Variants in STEAP1B observed in about 807,000 individuals in gnomAD.
The protein encoded by STEAP1B is STEAP family member 1B, also known as STEAP family protein MGC87042.
Under a neutral mutation model 27.9 loss-of-function variants are expected in STEAP1B, and 13 were observed. The ratio of observed to expected loss-of-function variants is 0.47; its 90% CI spans 0.30 to 0.74. The LOEUF is 0.74. Ranked by LOEUF, STEAP1B falls within the 30% of genes least tolerant of loss-of-function variation. STEAP1B has a pLI of 0.06. For synonymous variants in STEAP1B, 86 were observed against 107.1 expected (o/e 0.80, Z 1.22); for missense variants, 250 against 298.7 (o/e 0.84, Z 1.20).
intron 4 of STEAP1B, among the ~76,000 whole-genome samples, chr7:22,461,482 T>C (rs1211380200): frequency 6.6e-6 from 1 of 152,110 alleles, no homozygotes; most frequent in African/African-American, 2.4e-5. Context: ...AGGCTGGTCT[T>C]GAACTCCTGA....
intron 4 of STEAP1B, among the ~76,000 whole-genome samples, chr7:22,489,942 TG>T (rs142039419): frequency 0.033 from 4,984 of 152,302 alleles, 136 homozygotes; most frequent in African/African-American, 0.076. Flanking sequence ...TGAATAAAAG[TG>T]CTGAATTATT....
chr7:22,500,040 G>A (rs895801525), intron 1 of STEAP1B, 74 bp downstream of exon 1: 3 of 152,618 alleles, frequency 2.0e-5, no homozygotes, highest in Non-Finnish European at 4.4e-5. Flanking sequence ...CTGGGAGCGG[G>A]CGCCCAGCCT....
At chr7:22,433,002 T>C (rs1042119594) in intron 4 of STEAP1B, among the ~76,000 whole-genome samples, 2 of 152,180 alleles carry the variant, frequency 1.3e-5, no homozygotes, top group African/African-American at 4.8e-5. Flanking sequence ...CTGCCGTTCC[T>C]GCCAGCAAAT....
chr7:22,478,950 T>C (rs1044165145), intron 4 of STEAP1B, among the ~76,000 whole-genome samples: 2 of 152,092 alleles, frequency 1.3e-5, no homozygotes, highest in Non-Finnish European at 2.9e-5. Flanking sequence ...GTGGAGGTGC[T>C]CCTGCAGCCC....
At chr7:22,491,282 A>C (rs1786316915) in intron 4 of STEAP1B, among the ~76,000 whole-genome samples, 1 of 152,222 alleles carries the variant, frequency 6.6e-6, no homozygotes, top group Non-Finnish European at 1.5e-5. Context: ...ATATATAATA[A>C]ATGTTTATTA....
chr7:22,423,014 T>A (rs957030010), intron 4 of STEAP1B, among the ~76,000 whole-genome samples: 3 of 152,088 alleles, frequency 2.0e-5, no homozygotes, highest in African/African-American at 7.2e-5. Context: ...TAAAAAGACA[T>A]CACAAACAAA....
chr7:22,456,972 A>ATATATTTTTTTTTT, intron 4 of STEAP1B, among the ~76,000 whole-genome samples: 1 of 57,046 alleles, frequency 1.8e-5, no homozygotes, highest in African/African-American at 7.0e-5. Context: ...ATATATATAT[A>ATATATTTTTTTTTT]TTTTTTTTTT....
At chr7:22,433,299 A>G (rs899781293) in intron 4 of STEAP1B, among the ~76,000 whole-genome samples, 2 of 147,172 alleles carry the variant, frequency 1.4e-5, no homozygotes, top group Admixed American at 6.8e-5. Context: ...CACCCCCTCC[A>G]CATAATGACT....
At chr7:22,460,769 G>A (rs57241649) in intron 4 of STEAP1B, among the ~76,000 whole-genome samples, 1,827 of 152,256 alleles carry the variant, frequency 0.012, 44 homozygotes, top group African/African-American at 0.042. Flanking sequence ...GAACCACCCC[G>A]GAGGCAGCAG....
At chr7:22,495,550 C>G (rs1786424491) in intron 1 of STEAP1B, 1 of 152,156 alleles carries the variant, frequency 6.6e-6, no homozygotes, top group Non-Finnish European at 1.5e-5. Flanking sequence ...CTCACAGATC[C>G]TCATCCAGGA....
At chr7:22,438,468 G>A (rs1335187224) in intron 4 of STEAP1B, 1 of 1,542,218 alleles carries the variant, frequency 6.5e-7, no homozygotes, top group Non-Finnish European at 8.7e-7. Context: ...CAGGGAACAA[G>A]GTTCTCACTT....
intron 4 of STEAP1B, among the ~76,000 whole-genome samples, chr7:22,484,599 C>T (rs1023638774): frequency 1.3e-5 from 2 of 152,154 alleles, no homozygotes; most frequent in Non-Finnish European, 2.9e-5. Flanking sequence ...CTGCTAATAC[C>T]ATATTCATTC....
chr7:22,488,271 G>C (rs1033910339), intron 4 of STEAP1B, among the ~76,000 whole-genome samples: 4 of 152,202 alleles, frequency 2.6e-5, no homozygotes, highest in African/African-American at 9.6e-5. Flanking sequence ...CCACAGTGTG[G>C]CAGAGGATAC....
At chr7:22,485,886 AC>A (rs1436216838) in intron 4 of STEAP1B, among the ~76,000 whole-genome samples, 1 of 152,188 alleles carries the variant, frequency 6.6e-6, no homozygotes, top group Non-Finnish European at 1.5e-5. Flanking sequence ...TGTATTTCTA[AC>A]AGGTTTCCAG....
chr7:22,439,037 T>C (rs975122582), intron 4 of STEAP1B, among the ~76,000 whole-genome samples: 7 of 152,200 alleles, frequency 4.6e-5, no homozygotes, highest in East Asian at 1.9e-4. Context: ...TAAATGATAG[T>C]AAATGTTTGA....
At position 22,448,234 on chromosome 7, in the gene STEAP1B, G is replaced by A. The variant is rs569176179; in HGVS notation, c.763-28398C>T. The stretch of plus-strand genomic sequence containing the variant: ...TGCAAAGATGTAATTATGGCACGTA[G>A]TCAATATTGACACTTTACAACAAAA... On this transcript the variant is annotated intron_variant, in intron 4 of 4. Transcript: ENST00000678116. Among the ~76,000 whole-genome samples the A allele has an allele frequency of 9.1e-4, 138 of 152,224 alleles. 1 individual carries two copies. The highest frequency in any genetic ancestry group is 3.4e-3 in the Middle Eastern group (1 of 294).
intron 4 of STEAP1B, among the ~76,000 whole-genome samples, chr7:22,452,371 T>C (rs1785505121): frequency 6.6e-6 from 1 of 151,750 alleles, no homozygotes; most frequent in East Asian, 1.9e-4. Flanking sequence ...ACCCCTCCCT[T>C]CCTTTCAGCT....
intron 4 of STEAP1B, among the ~76,000 whole-genome samples, chr7:22,439,307 C>T (rs766507895): frequency 6.6e-6 from 1 of 152,144 alleles, no homozygotes; most frequent in African/African-American, 2.4e-5. Flanking sequence ...TCCGTACATA[C>T]AAAAAGTGAA....
chr7:22,421,214 A>C (rs991913038), intron 4 of STEAP1B, among the ~76,000 whole-genome samples: 1 of 152,224 alleles, frequency 6.6e-6, no homozygotes, highest in African/African-American at 2.4e-5. Flanking sequence ...GTAATATGAG[A>C]GAACATTTAT....
Sources: allele counts gnomAD v4.1 joint callset (sites outside exome capture counted in the v4.1 genomes callset), GRCh38; gene constraint gnomAD v4.1.1; transcripts MANE v1.5; gene names NCBI Gene and HGNC (gene_info 2026-07-23, HGNC 2026-07-21).